The following QRFPR variants were observed in gnomAD, a reference collection of about 807,000 sequenced individuals.
The protein encoded by QRFPR is pyroglutamylated RF-amide peptide receptor.
In QRFPR, 37 loss-of-function variants were observed where a neutral mutation model predicts 31.3. The ratio of observed to expected loss-of-function variants is 1.18; its 90% CI spans 0.91 to 1.56. QRFPR has a LOEUF of 1.56. QRFPR is among the 40% of genes most tolerant of loss of function. The pLI is 0.00. For synonymous variants in QRFPR, 197 were observed against 192.0 expected (o/e 1.03, Z -0.22); for missense variants, 542 against 532.5 (o/e 1.02, Z -0.18).
chr4:121,357,376 G>A (rs1263066729), intron 1 of QRFPR, among the ~76,000 whole-genome samples: 1 of 152,004 alleles, frequency 6.6e-6, no homozygotes, highest in Non-Finnish European at 1.5e-5. Context: ...AGGAGAGAAA[G>A]AAAGAAGGCA....
At chr4:121,362,681 C>T (rs1560742325) in intron 1 of QRFPR, among the ~76,000 whole-genome samples, 4 of 149,886 alleles carry the variant, frequency 2.7e-5, no homozygotes. Context: ...ATATAATAAA[C>T]TAATCTTTGA....
chr4:121,336,105 AG>A (rs1725430209), intron 3 of QRFPR, among the ~76,000 whole-genome samples: 1 of 152,218 alleles, frequency 6.6e-6, no homozygotes, highest in African/African-American at 2.4e-5. Context: ...TTTAAAAGGT[AG>A]AACGGGATAA....
rs533403104 is a variant in QRFPR at position 121,375,877 on chromosome 4, C to T, written c.340+4431G>A. ...TAGAGAAGAGAGTGGTGTTCTGCAG[C>T]ACTGGTCACAAGCAAAATCAGTTCT... On this transcript the variant is annotated intron_variant, in intron 1 of 5. Coordinates refer to ENST00000394427, the MANE Select transcript of QRFPR (RefSeq NM_198179.3). 5.9e-5 allele frequency among the ~76,000 whole-genome samples: 9 copies of T among 152,284 alleles called. 1 individual carries two copies. In the South Asian group the frequency reaches 1.9e-3, roughly 32 times the overall value.
chr4:121,340,567 A>C lies in QRFPR; in HGVS notation c.384T>G (p.Ala128=). The change falls in exon 2 of 6, where the codon GCT becomes GCG. Residue 128 remains alanine (A), a synonymous_variant. Coordinates refer to ENST00000394427, the MANE Select transcript of QRFPR (RefSeq NM_198179.3). Reference sequence around the variant, plus strand: ...TCATAGTGAGGATTTCTGTCACAACAGCGGTAGACTGGACAAATGGCACCA... The same window carrying C: ...TCATAGTGAGGATTTCTGTCACAACCGCGGTAGACTGGACAAATGGCACCA... ...CKMVPFVQST[A]VVTEILTMTC... The C allele has an allele frequency of 6.2e-7, 1 of 1,614,108 alleles. No individual in the cohort carries two copies. The highest frequency in any genetic ancestry group is 8.5e-7 in the Non-Finnish European group (1 of 1,179,976).
At chr4:121,372,599 C>T in intron 1 of QRFPR, among the ~76,000 whole-genome samples, 1 of 152,140 alleles carries the variant, frequency 6.6e-6, no homozygotes, top group East Asian at 1.9e-4. Context: ...TCCCCATAGC[C>T]CCTGGTAACA....
rs150359595 is a variant in QRFPR, at chr4:121,369,920, G to C, written c.340+10388C>G. On this transcript the variant is annotated intron_variant, in intron 1 of 5. Coordinates refer to ENST00000394427, the MANE Select transcript of QRFPR (RefSeq NM_198179.3). ...TGCTTCTGCTACTCTAAGGTACTTGGTCTTCTGAGTGGTGACACCCTTGTG... is the reference window on the plus strand; with the variant it reads ...TGCTTCTGCTACTCTAAGGTACTTGCTCTTCTGAGTGGTGACACCCTTGTG... 1.3e-3 allele frequency: 986 copies of C among 773,846 alleles called. 5 individuals carry two copies. Among genetic ancestry groups the C allele is most frequent in the Non-Finnish European group, 1.9e-3 (814 of 419,602 alleles). The allele number at this position is 773,846 out of a possible 1,614,324, so 47.9% of individuals were successfully genotyped here. A position where few individuals can be genotyped will look rare whatever the true frequency, so the allele number is the denominator to read the frequency against.
In QRFPR at chr4:121,343,543, T is replaced by C. The variant is rs2110471488; in HGVS notation, c.341-2933A>G. Among the ~76,000 whole-genome samples the C allele has an allele frequency of 1.3e-5, 2 of 152,330 alleles. 1 individual carries two copies. Among genetic ancestry groups the C allele is most frequent in the Middle Eastern group, 6.8e-3 (2 of 294 alleles). On this transcript the variant is annotated intron_variant, in intron 1 of 5. Coordinates refer to ENST00000394427, the MANE Select transcript of QRFPR (RefSeq NM_198179.3). ...TCAATGTTAATAAAGTCCACTGTGT[T>C]TGAATAGTTACTATACTGTGAATAA...
chr4:121,363,406 GC>G (rs1231688840), intron 1 of QRFPR, among the ~76,000 whole-genome samples: 1 of 149,894 alleles, frequency 6.7e-6, no homozygotes, highest in Admixed American at 6.6e-5. Flanking sequence ...CTAAAGCACT[GC>G]CCTTCCTTAC....
At chr4:121,345,526 T>C (rs1173974419) in intron 1 of QRFPR, among the ~76,000 whole-genome samples, 1 of 152,240 alleles carries the variant, frequency 6.6e-6, no homozygotes, top group Non-Finnish European at 1.5e-5. Flanking sequence ...GGCTATGTTC[T>C]CTCTGTGTGT....
chr4:121,380,186 GGAGAGAGAGAGAGAGAGAGA>G (rs70950816), intron 1 of QRFPR, 102 bp downstream of exon 1: 470 of 236,404 alleles, frequency 2.0e-3, no homozygotes, highest in Middle Eastern at 4.8e-3. Flanking sequence ...AGACGAGAGA[GGAGAGAGAGAGAGAGAGAGA>G]GAGAGAGAGA....
intron 1 of QRFPR, among the ~76,000 whole-genome samples, chr4:121,377,641 C>CA (rs1293634663): frequency 2.0e-5 from 3 of 152,082 alleles, no homozygotes; most frequent in Admixed American, 2.0e-4. Context: ...CCAGCTTGAA[C>CA]ATCACATCCT....
chr4:121,376,541 T>A (rs1726355744), intron 1 of QRFPR, among the ~76,000 whole-genome samples: 1 of 127,518 alleles, frequency 7.8e-6, no homozygotes, highest in Non-Finnish European at 1.7e-5. Flanking sequence ...ATTTCTGGGT[T>A]TGTTTTTTTT....
intron 1 of QRFPR, among the ~76,000 whole-genome samples, chr4:121,375,978 T>C (rs1225341205): frequency 6.6e-6 from 1 of 151,956 alleles, no homozygotes; most frequent in Non-Finnish European, 1.5e-5. Context: ...AAGAAAAAGA[T>C]AAAAAGGAGG....
intron 1 of QRFPR, among the ~76,000 whole-genome samples, chr4:121,370,582 C>G (rs1009126199): frequency 1.3e-5 from 2 of 152,218 alleles, no homozygotes; most frequent in African/African-American, 2.4e-5. Flanking sequence ...CCCCAAGAGG[C>G]TGTGGCGCAT....
At chr4:121,345,207 G>A (rs1725620971) in intron 1 of QRFPR, among the ~76,000 whole-genome samples, 2 of 152,230 alleles carry the variant, frequency 1.3e-5, no homozygotes, top group South Asian at 4.1e-4. Flanking sequence ...GTGTTGAAAG[G>A]TTGAATGCAG....
rs1175185702 is a variant in QRFPR at position 121,357,420 on chromosome 4, T to A, written c.341-16810A>T. ...TTTCTGCAACAGAGATAAGGTAAAATAAAAAAAAATTTAAAGCCGTAACCA... is the reference window on the plus strand; with the variant it reads ...TTTCTGCAACAGAGATAAGGTAAAAAAAAAAAAAATTTAAAGCCGTAACCA... On this transcript the variant is annotated intron_variant, in intron 1 of 5. Coordinates refer to ENST00000394427, the MANE Select transcript of QRFPR (RefSeq NM_198179.3). Among the ~76,000 whole-genome samples, 3 of 151,374 alleles carry A rather than the reference T, an allele frequency of 2.0e-5. No individual in the cohort carries two copies. In the South Asian group the frequency reaches 6.3e-4, roughly 32 times the overall value.
rs147941141 is a variant in QRFPR, at chr4:121,329,938, A to T, written c.896-224T>A. Among the ~76,000 whole-genome samples, 374 of 152,324 alleles carry T rather than the reference A, an allele frequency of 2.5e-3. 6 individuals are homozygous for T. Among genetic ancestry groups the T allele is most frequent in the Admixed American group, 0.022 (333 of 15,298 alleles). ...TTACATGCGTAGCCTGGTGTCCAGC[A>T]TATAGTAGGGGGCTTATAGCATTGC... On this transcript the variant is annotated intron_variant, in intron 5 of 5. Transcript: ENST00000394427.
chr4:121,343,806 T>C (rs541523650), intron 1 of QRFPR, among the ~76,000 whole-genome samples: 1 of 152,320 alleles, frequency 6.6e-6, no homozygotes, highest in African/African-American at 2.4e-5. Context: ...TGTATTCATT[T>C]TAGTGTTATC....
chr4:121,371,589 GA>G (rs1271811306), intron 1 of QRFPR, among the ~76,000 whole-genome samples: 3 of 152,182 alleles, frequency 2.0e-5, no homozygotes, highest in Non-Finnish European at 4.4e-5. Context: ...GGCAGACAAG[GA>G]AGAGCCACTC....
Sources: allele counts gnomAD v4.1 joint callset (sites outside exome capture counted in the v4.1 genomes callset), GRCh38; gene constraint gnomAD v4.1.1; transcripts MANE v1.5; gene names NCBI Gene and HGNC (gene_info 2026-07-23, HGNC 2026-07-21).